The following FCAR variants were observed in gnomAD, a reference collection of about 807,000 sequenced individuals.
The protein encoded by FCAR is immunoglobulin alpha Fc receptor.
Under a neutral mutation model 27.1 loss-of-function variants are expected in FCAR, and 21 were observed. That is an observed-to-expected ratio of 0.77 (90% CI 0.55 to 1.11). FCAR has a LOEUF of 1.11. FCAR is among the 50% of genes most tolerant of loss of function. The pLI is 0.00. For synonymous variants in FCAR, 134 were observed against 135.8 expected (o/e 0.99, Z 0.09); for missense variants, 404 against 358.4 (o/e 1.13, Z -1.03).
intron 2 of FCAR, among the ~76,000 whole-genome samples, chr19:54,880,564 T>C (rs1406817990): frequency 2.0e-5 from 3 of 152,186 alleles, no homozygotes; most frequent in Non-Finnish European, 2.9e-5. Context: ...TTCAGCCAGG[T>C]AAAGAGCCCT....
In FCAR at chr19:54,885,353, A is replaced by G; in HGVS notation, c.189A>G (p.Ile63Met). ...REAYLTQLMI[I>M]KNSTYREIGR... Reference sequence around the variant, plus strand: ...CTTACCTGACCCAGCTGATGATCATAAAAAACTCCACGTACCGAGAGATAG... The same window carrying G: ...CTTACCTGACCCAGCTGATGATCATGAAAAACTCCACGTACCGAGAGATAG... The change falls in exon 3 of 5, where the codon ATA (isoleucine) becomes ATG (methionine). Residue 63 changes from isoleucine (I) to methionine (M), a missense_variant. Coordinates refer to ENST00000355524, the MANE Select transcript of FCAR (RefSeq NM_002000.4). 6.2e-7 allele frequency: 1 copy of G among 1,614,118 alleles called. No individual in the cohort carries two copies. Among genetic ancestry groups the G allele is most frequent in the Non-Finnish European group, 8.5e-7 (1 of 1,180,004 alleles).
At chr19:54,887,081 C>T (rs1311987761) in intron 3 of FCAR, among the ~76,000 whole-genome samples, 2 of 149,690 alleles carry the variant, frequency 1.3e-5, no homozygotes, top group East Asian at 4.1e-4. Context: ...TTTGAGAAGC[C>T]GAGATGGGCA....
intron 4 of FCAR, 31 bp downstream of exon 4, chr19:54,888,325 G>A: frequency 6.2e-7 from 1 of 1,610,586 alleles, no homozygotes; most frequent in South Asian, 1.1e-5. Context: ...CCCTGTGTCT[G>A]GGTTGGCTGT....
At chr19:54,876,340 T>C (rs2145830600) in intron 2 of FCAR, among the ~76,000 whole-genome samples, 1 of 152,328 alleles carries the variant, frequency 6.6e-6, no homozygotes, top group East Asian at 1.9e-4. Context: ...GCCTGATTGC[T>C]CTAGCTAGGA....
At chr19:54,881,647 C>T (rs587642237) in intron 2 of FCAR, among the ~76,000 whole-genome samples, 2 of 152,026 alleles carry the variant, frequency 1.3e-5, no homozygotes, top group African/African-American at 2.4e-5. Context: ...CCGAGGCGGG[C>T]GGATCACGAG....
At chr19:54,882,430 T>C (rs2066475466) in intron 2 of FCAR, among the ~76,000 whole-genome samples, 2 of 72,182 alleles carry the variant, frequency 2.8e-5, no homozygotes, top group African/African-American at 6.9e-5. Context: ...ATTCTTTTTT[T>C]TTTTTCTTTT....
chr19:54,879,791 C>A (rs2066308913), intron 2 of FCAR, among the ~76,000 whole-genome samples: 1 of 151,734 alleles, frequency 6.6e-6, no homozygotes, highest in Non-Finnish European at 1.5e-5. Flanking sequence ...TCACGCCATT[C>A]TCCTGCCTCA....
At chr19:54,886,545 G>C (rs587755390) in intron 3 of FCAR, among the ~76,000 whole-genome samples, 1 of 151,894 alleles carries the variant, frequency 6.6e-6, no homozygotes, top group African/African-American at 2.4e-5. Context: ...CTGACCTCGT[G>C]ATCCGCCCGC....
At chr19:54,876,171 A>G (rs2066079377) in intron 2 of FCAR, among the ~76,000 whole-genome samples, 1 of 152,120 alleles carries the variant, frequency 6.6e-6, no homozygotes, top group African/African-American at 2.4e-5. Flanking sequence ...TGATTTTTAT[A>G]TATTGATTTT....
At chr19:54,887,168 G>A (rs1044240259) in intron 3 of FCAR, among the ~76,000 whole-genome samples, 2 of 152,112 alleles carry the variant, frequency 1.3e-5, no homozygotes, top group Admixed American at 1.3e-4. Context: ...AAATTAGCTG[G>A]GCATGGTGGC....
intron 1 of FCAR, among the ~76,000 whole-genome samples, chr19:54,874,961 G>A (rs941762399): frequency 1.2e-4 from 18 of 152,176 alleles, no homozygotes; most frequent in Admixed American, 2.0e-4. Context: ...ACAAGGTCAG[G>A]AGATCAAAAC....
chr19:54,879,096 C>T (rs376207281), intron 2 of FCAR, among the ~76,000 whole-genome samples: 9 of 151,806 alleles, frequency 5.9e-5, no homozygotes, highest in East Asian at 3.9e-4. Context: ...AGGCTAATGT[C>T]GAACTCCTGA....
chr19:54,882,737 C>A (rs937827616), intron 2 of FCAR, among the ~76,000 whole-genome samples: 2 of 152,080 alleles, frequency 1.3e-5, no homozygotes, highest in African/African-American at 4.8e-5. Context: ...CCGCGCCCGG[C>A]CTTGGTGTTG....
chr19:54,883,906 A>G (rs962576321), intron 2 of FCAR, among the ~76,000 whole-genome samples: 3 of 152,166 alleles, frequency 2.0e-5, no homozygotes, highest in Non-Finnish European at 2.9e-5. Flanking sequence ...GCAGTGAGCC[A>G]AGATCACACC....
intron 2 of FCAR, chr19:54,880,782 G>C (rs1468933206): frequency 6.6e-6 from 1 of 152,152 alleles, no homozygotes; most frequent in African/African-American, 2.4e-5. Flanking sequence ...CAGAGGGCTG[G>C]GGCTTCGCAC....
rs1223891264 is a variant in FCAR, at chr19:54,888,196, A to G, written c.551A>G (p.Asp184Gly). 1 of 1,613,970 alleles carries G rather than the reference A, an allele frequency of 6.2e-7. No individual in the cohort carries two copies. Among genetic ancestry groups the G allele is most frequent in the Admixed American group, 1.7e-5 (1 of 59,986 alleles). Residue 184 changes from aspartate (D) to glycine (G), a missense_variant, in exon 4 of 5, where the codon GAC (aspartate) becomes GGC (glycine). Asp to Gly is a moderately conservative substitution (Grantham distance 94, BLOSUM62 -1). Coordinates refer to ENST00000355524, the MANE Select transcript of FCAR (RefSeq NM_002000.4). ...GCCAACTTCTCTTTGGGTCCTGTGG[A>G]CCTCAATGTCTCAGGGATCTACAGG... ...HPANFSLGPV[D>G]LNVSGIYRCY...
chr19:54,889,507 G>A, intron 4 of FCAR, 142 bp from the exon 5 acceptor site: 1 of 708,956 alleles, frequency 1.4e-6, no homozygotes, highest in Non-Finnish European at 2.6e-6. Context: ...TGCTGGCGAA[G>A]CATGAGCTCA....
chr19:54,888,621 C>A, intron 4 of FCAR: 1 of 777,118 alleles, frequency 1.3e-6, no homozygotes, highest in Non-Finnish European at 1.6e-6. Context: ...GATCTCGACT[C>A]ACTGCAACCT....
rs375952485 is a variant in FCAR, at chr19:54,885,351, A to C, written c.187A>C (p.Ile63Leu). ...REAYLTQLMI[I>L]KNSTYREIGR... ...AGCTTACCTGACCCAGCTGATGATC[A>C]TAAAAAACTCCACGTACCGAGAGAT... The change falls in exon 3 of 5, where the codon ATA (isoleucine) becomes CTA (leucine). Residue 63 changes from isoleucine to leucine, a missense_variant. By Grantham distance (5) the Ile-to-Leu change is conservative (BLOSUM62 2). Transcript: ENST00000355524. 2 of 1,614,152 alleles carry C rather than the reference A, an allele frequency of 1.2e-6. No homozygotes were observed. The highest frequency in any genetic ancestry group is 3.3e-5 in the Admixed American group (2 of 60,012).
Sources: gnomAD v4.1 joint callset for allele counts (sites outside exome capture counted in the v4.1 genomes callset) on GRCh38, gnomAD v4.1.1 for gene constraint, MANE v1.5 for transcripts, NCBI Gene and HGNC (gene_info 2026-07-23, HGNC 2026-07-21) for gene names.